The following IL7 variants were observed in gnomAD, a reference collection of about 807,000 sequenced individuals.
The protein encoded by IL7 is interleukin-7.
Under a neutral mutation model 21.6 loss-of-function variants are expected in IL7, and 3 were observed. The ratio of observed to expected loss-of-function variants is 0.14; its 90% CI spans 0.06 to 0.36. The LOEUF is 0.36. Ranked by LOEUF, IL7 falls within the 10% of genes least tolerant of loss-of-function variation. The pLI, the probability that IL7 is intolerant of heterozygous loss-of-function variation, is 1.00. For missense variants in IL7, 175 were observed against 200.2 expected, an observed-to-expected ratio of 0.87 and a Z score of 0.76; for synonymous variants, 62 against 68.1, an observed-to-expected ratio of 0.91 and a Z score of 0.44.
At position 78,675,911 on chromosome 8, in the gene IL7, G is replaced by T. The variant is rs370123596; in HGVS notation, n.467C>A. 3 of 1,509,296 alleles carry T rather than the reference G, an allele frequency of 2.0e-6. No homozygotes were observed. In the African/African-American group the frequency reaches 4.2e-5, roughly 21 times the overall value. 93.5% of individuals were successfully genotyped at this position (1,509,296 alleles called of 1,614,324 possible). A position where few individuals can be genotyped will look rare whatever the true frequency, so the allele number is the denominator to read the frequency against. On this transcript the variant is annotated non_coding_transcript_exon_variant, in exon 5 of 5. Transcript: ENST00000523959. ...TTTATGGTTTTACAGATCTGTAATTGTTCAATAATTCTGGTCAATTCTCAT... is the reference window on the plus strand; with the variant it reads ...TTTATGGTTTTACAGATCTGTAATTTTTCAATAATTCTGGTCAATTCTCAT...
At chr8:78,785,127 C>T (rs1342469582) in intron 2 of IL7, among the ~76,000 whole-genome samples, 1 of 152,020 alleles carries the variant, frequency 6.6e-6, no homozygotes, top group Non-Finnish European at 1.5e-5. Context: ...CTTCCTTGCT[C>T]TTGAAATTCA....
At chr8:78,803,112 G>T (rs1331322825) in intron 1 of IL7, among the ~76,000 whole-genome samples, 1 of 152,086 alleles carries the variant, frequency 6.6e-6, no homozygotes, top group Non-Finnish European at 1.5e-5. Context: ...AAACACTAAC[G>T]TGATGCAGTT....
At chr8:78,706,482 G>C (rs1810774571) in intron 3 of IL7, among the ~76,000 whole-genome samples, 1 of 152,150 alleles carries the variant, frequency 6.6e-6, no homozygotes, top group African/African-American at 2.4e-5. Flanking sequence ...CTTGACCCAA[G>C]GGTTGCAAAG....
intron 2 of IL7, among the ~76,000 whole-genome samples, chr8:78,766,218 G>T (rs1165477071): frequency 6.6e-6 from 1 of 152,120 alleles, no homozygotes; most frequent in Non-Finnish European, 1.5e-5. Flanking sequence ...GAACAGTGAA[G>T]TTGTTAGGAG....
intron 5 of IL7, among the ~76,000 whole-genome samples, chr8:78,734,799 C>T (rs137901684): frequency 3.5e-4 from 53 of 152,152 alleles, no homozygotes; most frequent in African/African-American, 1.2e-3. Context: ...ATTTTATTTG[C>T]TTAATCATCA....
intron 2 of IL7, among the ~76,000 whole-genome samples, chr8:78,754,539 C>CT (rs1340992801): frequency 6.6e-6 from 1 of 152,106 alleles, no homozygotes; most frequent in Non-Finnish European, 1.5e-5. Context: ...GAAAAAGCTA[C>CT]TTTAAATTTC....
intron 2 of IL7, chr8:78,761,888 T>C (rs943824576): frequency 3.7e-5 from 60 of 1,611,420 alleles, no homozygotes; most frequent in Non-Finnish European, 5.0e-5. Context: ...CAGAGGTATG[T>C]TTTGCCTTCC....
intron 3 of IL7, among the ~76,000 whole-genome samples, chr8:78,692,424 C>T (rs1287598815): frequency 6.6e-6 from 1 of 152,112 alleles, no homozygotes; most frequent in African/African-American, 2.4e-5. Flanking sequence ...TTTCTGTTGA[C>T]TTGACATTTT....
chr8:78,774,666 CAA>C (rs1813073300), intron 2 of IL7, among the ~76,000 whole-genome samples: 1 of 152,062 alleles, frequency 6.6e-6, no homozygotes, highest in Admixed American at 6.6e-5. Context: ...GTACATAAAA[CAA>C]TGGCAGAAAT....
intron 3 of IL7, among the ~76,000 whole-genome samples, chr8:78,709,843 A>G (rs1345968385): frequency 1.3e-5 from 2 of 152,240 alleles, no homozygotes; most frequent in Admixed American, 1.3e-4. Context: ...ATTGCCTTAT[A>G]GCATCATAAC....
Position 78,736,530 on chromosome 8 carries a change from T to G in IL7, c.361-3A>C. On this transcript the variant is annotated splice_polypyrimidine_tract_variant and splice_region_variant and intron_variant, in intron 4 of 5. Coordinates refer to ENST00000263851, the MANE Select transcript of IL7 (RefSeq NM_000880.4). ...GCAGCTGGTTTTCTTCCTTTAACCT[T>G]AAAAACAAAGTCACATTTATAATAT... 6.3e-7 allele frequency: 1 copy of G among 1,586,078 alleles called. No homozygotes were observed. Among genetic ancestry groups the G allele is most frequent in the East Asian group, 2.2e-5 (1 of 44,464 alleles).
intron 2 of IL7, among the ~76,000 whole-genome samples, chr8:78,744,824 C>A (rs1811922232): frequency 6.6e-6 from 1 of 152,182 alleles, no homozygotes; most frequent in African/African-American, 2.4e-5. Context: ...AAGAGGGGAT[C>A]TCCCAACTCG....
At chr8:78,797,499 G>A (rs1471767888) in intron 2 of IL7, among the ~76,000 whole-genome samples, 1 of 151,910 alleles carries the variant, frequency 6.6e-6, no homozygotes, top group Non-Finnish European at 1.5e-5. Context: ...GAGCATATGG[G>A]AATTTTCTAC....
chr8:78,685,586 A>C (rs1347571597), intron 4 of IL7, among the ~76,000 whole-genome samples: 2 of 152,186 alleles, frequency 1.3e-5, no homozygotes, highest in Admixed American at 6.5e-5. Context: ...AAGGCCAATA[A>C]CTCAACAAAT....
At chr8:78,740,515 CA>C (rs1183377883) in intron 2 of IL7, among the ~76,000 whole-genome samples, 5 of 152,182 alleles carry the variant, frequency 3.3e-5, no homozygotes, top group Non-Finnish European at 7.4e-5. Context: ...GGGATCCATA[CA>C]AAGCTCAACA....
chr8:78,742,765 G>T (rs1444847708), intron 2 of IL7, among the ~76,000 whole-genome samples: 1 of 152,094 alleles, frequency 6.6e-6, no homozygotes, highest in Non-Finnish European at 1.5e-5. Flanking sequence ...GGGTACAAGT[G>T]CAGGTTTGTT....
chr8:78,776,992 T>G (rs1029901124), intron 2 of IL7, among the ~76,000 whole-genome samples: 4 of 152,024 alleles, frequency 2.6e-5, no homozygotes, highest in African/African-American at 9.7e-5. Flanking sequence ...ACATTCCTAC[T>G]CTCACATTCC....
chr8:78,686,128 T>C (rs1585992942), intron 3 of IL7, among the ~76,000 whole-genome samples: 1 of 152,302 alleles, frequency 6.6e-6, no homozygotes, highest in East Asian at 1.9e-4. Context: ...CCCCACCTCG[T>C]ACTACTGTTA....
chr8:78,716,033 C>G (rs1435335880), downstream of IL7, among the ~76,000 whole-genome samples: 1 of 139,974 alleles, frequency 7.1e-6, no homozygotes, highest in African/African-American at 2.6e-5. Context: ...GAGCGAGACT[C>G]CATCTCAAAA....
Sources: gnomAD v4.1 joint callset for allele counts (sites outside exome capture counted in the v4.1 genomes callset) on GRCh38, gnomAD v4.1.1 for gene constraint, MANE v1.5 for transcripts, NCBI Gene and HGNC (gene_info 2026-07-23, HGNC 2026-07-21) for gene names.